Variants in GRID2 observed in about 807,000 individuals in gnomAD.
GRID2 encodes the protein glutamate receptor ionotropic, delta-2.
Under a neutral mutation model 114.8 loss-of-function variants are expected in GRID2, and 33 were observed. The ratio of observed to expected loss-of-function variants is 0.29; its 90% CI spans 0.22 to 0.38. The LOEUF is 0.38. Ranked by LOEUF, GRID2 falls within the 10% of genes least tolerant of loss-of-function variation. The probability of loss-of-function intolerance (pLI) is 1.00; values close to 1 mark genes in which losing one functional copy is unlikely to be tolerated. For missense variants in GRID2, 1,184 were observed against 1,257.7 expected (o/e 0.94, Z 0.89); for synonymous variants, 505 against 449.9 (o/e 1.12, Z -1.55).
chr4:92,339,804 C>T (rs967689574), intron 1 of GRID2, among the ~76,000 whole-genome samples: 2 of 152,152 alleles, frequency 1.3e-5, no homozygotes, highest in African/African-American at 4.8e-5. Flanking sequence ...GAAGTTCTCA[C>T]CAGAAGCAGA....
rs536185156 is a variant in GRID2, at chr4:92,546,029, T to C, written c.89-44102T>C. Among the ~76,000 whole-genome samples the C allele has an allele frequency of 2.0e-5, 3 of 152,326 alleles. No individual in the cohort carries two copies. The South Asian group carries it at 6.2e-4, about 32-fold the overall frequency. ...CTGCTCTTTTACATGATTTACTTTT[T>C]GTTGTTGTTAGTTTCCGATACACCA... On this transcript the variant is annotated intron_variant, in intron 1 of 15. Coordinates refer to ENST00000282020, the MANE Select transcript of GRID2 (RefSeq NM_001510.4).
chr4:92,618,560 A>T (rs181921111), intron 2 of GRID2, among the ~76,000 whole-genome samples: 1 of 151,682 alleles, frequency 6.6e-6, no homozygotes, highest in East Asian at 2.0e-4. Context: ...CATGAATAAG[A>T]GTTGCATTGA....
chr4:92,346,415 A>G (rs1727766830), intron 1 of GRID2, among the ~76,000 whole-genome samples: 2 of 151,974 alleles, frequency 1.3e-5, no homozygotes, highest in Non-Finnish European at 2.9e-5. Flanking sequence ...CCCAGGCTAG[A>G]GTGCAGTGGT....
At chr4:93,131,728 G>T (rs1389820441) in intron 4 of GRID2, among the ~76,000 whole-genome samples, 1 of 151,930 alleles carries the variant, frequency 6.6e-6, no homozygotes, top group Non-Finnish European at 1.5e-5. Context: ...CTGGGTAACT[G>T]GGATATTCAT....
chr4:93,021,392 T>C (rs546857019), intron 2 of GRID2, among the ~76,000 whole-genome samples: 3 of 150,268 alleles, frequency 2.0e-5, no homozygotes, highest in Admixed American at 6.6e-5. Context: ...ATATTATAAA[T>C]GTTAATAGAG....
intron 2 of GRID2, among the ~76,000 whole-genome samples, chr4:92,801,544 CTTTGT>C (rs1740171170): frequency 6.6e-6 from 1 of 151,764 alleles, no homozygotes; most frequent in Non-Finnish European, 1.5e-5. Context: ...ATATAGATTT[CTTTGT>C]TTTATTTAAT....
chr4:93,553,783 T>C (rs1410154475), intron 13 of GRID2, among the ~76,000 whole-genome samples: 10 of 152,172 alleles, frequency 6.6e-5, no homozygotes. Context: ...GAAATTAGTT[T>C]AGCATATATT....
chr4:93,571,882 C>T (rs1248958664), intron 13 of GRID2, among the ~76,000 whole-genome samples: 2 of 152,022 alleles, frequency 1.3e-5, no homozygotes, highest in South Asian at 2.1e-4. Flanking sequence ...GAATTTTACT[C>T]CCCAGCTCTG....
At chr4:93,289,759 G>A (rs1753541622) in intron 8 of GRID2, among the ~76,000 whole-genome samples, 1 of 152,208 alleles carries the variant, frequency 6.6e-6, no homozygotes, top group South Asian at 2.1e-4. Flanking sequence ...CACAGTTAGT[G>A]TTGGTATGTC....
intron 2 of GRID2, among the ~76,000 whole-genome samples, chr4:93,073,673 T>A (rs1389528856): frequency 1.3e-5 from 2 of 152,126 alleles, no homozygotes; most frequent in Non-Finnish European, 2.9e-5. Flanking sequence ...GGAAAAATCC[T>A]CTTATCTATG....
intron 13 of GRID2, among the ~76,000 whole-genome samples, chr4:93,592,555 T>C (rs928049336): frequency 2.0e-5 from 3 of 152,184 alleles, no homozygotes; most frequent in African/African-American, 7.2e-5. Flanking sequence ...TGGAGAGTTC[T>C]GTAGATGTCT....
chr4:93,061,687 A>G (rs1578877647), intron 2 of GRID2, among the ~76,000 whole-genome samples: 1 of 152,148 alleles, frequency 6.6e-6, no homozygotes, highest in South Asian at 2.1e-4. Flanking sequence ...CTAAGCAGAG[A>G]TACAGCAGTC....
chr4:93,447,511 G>C (rs1722200714), intron 10 of GRID2, among the ~76,000 whole-genome samples: 1 of 151,884 alleles, frequency 6.6e-6, no homozygotes, highest in African/African-American at 2.4e-5. Flanking sequence ...ATTTTCACAA[G>C]CATGATGGAA....
At chr4:93,095,119 A>T (rs772688423) in intron 3 of GRID2, among the ~76,000 whole-genome samples, 1 of 151,964 alleles carries the variant, frequency 6.6e-6, no homozygotes, top group African/African-American at 2.4e-5. Flanking sequence ...TAGCAAGACC[A>T]TTTTTAATTT....
chr4:93,358,806 G>C (rs1291478348), intron 8 of GRID2, among the ~76,000 whole-genome samples: 1 of 151,928 alleles, frequency 6.6e-6, no homozygotes, highest in Non-Finnish European at 1.5e-5. Flanking sequence ...AATTAAGTCT[G>C]CTACTACTAT....
chr4:92,464,282 C>T (rs1257361935), intron 1 of GRID2, among the ~76,000 whole-genome samples: 1 of 152,006 alleles, frequency 6.6e-6, no homozygotes, highest in African/African-American at 2.4e-5. Flanking sequence ...AACTCAACCC[C>T]ACAGTATTCT....
intron 2 of GRID2, among the ~76,000 whole-genome samples, chr4:92,749,378 G>A (rs372541638): frequency 1.3e-4 from 19 of 142,918 alleles, no homozygotes; most frequent in African/African-American, 5.0e-4. Flanking sequence ...GCAGTGGCGC[G>A]ATCTCAGCTC....
chr4:93,124,545 G>A (rs1734104034), intron 4 of GRID2, among the ~76,000 whole-genome samples: 1 of 152,142 alleles, frequency 6.6e-6, no homozygotes, highest in Non-Finnish European at 1.5e-5. Context: ...ATGGATCTTA[G>A]TTAGCACTGG....
At chr4:93,322,545 C>A (rs1306252758) in intron 8 of GRID2, among the ~76,000 whole-genome samples, 1 of 152,146 alleles carries the variant, frequency 6.6e-6, no homozygotes, top group South Asian at 2.1e-4. Flanking sequence ...GATTTATAAT[C>A]CTTTGGGTAT....
Sources: allele counts gnomAD v4.1 joint callset (sites outside exome capture counted in the v4.1 genomes callset), GRCh38; gene constraint gnomAD v4.1.1; transcripts MANE v1.5; gene names NCBI Gene and HGNC (gene_info 2026-07-23, HGNC 2026-07-21).